The following ERICH1 variants were observed in gnomAD, a reference collection of about 807,000 sequenced individuals.
ERICH1 encodes glutamate rich 1, also known as glutamate-rich protein 1.
Under a neutral mutation model 39.6 loss-of-function variants are expected in ERICH1, and 56 were observed. The ratio of observed to expected loss-of-function variants is 1.41; its 90% confidence interval spans 1.14 to 1.77. ERICH1 has a LOEUF of 1.77. Ranked by LOEUF, ERICH1 falls within the 40% of genes most tolerant of loss-of-function variation. ERICH1 has a pLI of 0.00. For synonymous variants in ERICH1, 313 were observed against 223.6 expected (o/e 1.40, Z -3.57); for missense variants, 826 against 575.4 (o/e 1.44, Z -4.45).
At chr8:628,899 G>A (rs369470008) in intron 3 of ERICH1, among the ~76,000 whole-genome samples, 11 of 152,174 alleles carry the variant, frequency 7.2e-5, no homozygotes, top group African/African-American at 2.4e-4. Context: ...TTCCGCTCAC[G>A]AACCTCGGGG....
intron 3 of ERICH1, among the ~76,000 whole-genome samples, chr8:617,763 C>G (rs924195218): frequency 2.0e-5 from 3 of 149,572 alleles, no homozygotes; most frequent in Non-Finnish European, 4.4e-5. Context: ...CCTCACTGTC[C>G]TCTGCGTGAT....
intron 2 of ERICH1, among the ~76,000 whole-genome samples, chr8:708,493 G>A (rs1207730613): frequency 6.6e-6 from 1 of 152,058 alleles, no homozygotes; most frequent in Non-Finnish European, 1.5e-5. Flanking sequence ...TCTGACCCAT[G>A]CTACAACATG....
At chr8:641,146 T>A (rs1387568938) in intron 3 of ERICH1, 4 of 152,196 alleles carry the variant, frequency 2.6e-5, no homozygotes, top group African/African-American at 9.7e-5. Context: ...ACTTGGCGTT[T>A]AATCTATAAT....
intron 3 of ERICH1, among the ~76,000 whole-genome samples, chr8:635,933 G>A (rs1236062541): frequency 6.6e-6 from 1 of 152,228 alleles, no homozygotes. Flanking sequence ...CGGCAGGTGC[G>A]GTGATTCCTC....
At chr8:642,172 T>A (rs994887623) in intron 3 of ERICH1, among the ~76,000 whole-genome samples, 4 of 152,072 alleles carry the variant, frequency 2.6e-5, no homozygotes, top group African/African-American at 9.7e-5. Context: ...TGGCCCACCA[T>A]CCCAGCACTT....
At chr8:620,603 C>A (rs1002921469) in intron 3 of ERICH1, among the ~76,000 whole-genome samples, 1 of 152,066 alleles carries the variant, frequency 6.6e-6, no homozygotes, top group Non-Finnish European at 1.5e-5. Flanking sequence ...AGTTAAAGAA[C>A]AGAAAAACAT....
rs1427089442 is a variant in ERICH1 at position 664,422 on chromosome 8, T to C, written c.*181A>G. The C allele has an allele frequency of 8.0e-7, 1 of 1,250,254 alleles. No individual in the cohort carries two copies. The highest frequency in any genetic ancestry group is 1.0e-6 in the Non-Finnish European group (1 of 996,764). The allele number at this position is 1,250,254 out of a possible 1,614,324, so 77.4% of individuals were successfully genotyped here. On this transcript the variant is annotated 3_prime_UTR_variant, in exon 6 of 6. Coordinates refer to ENST00000262109, the MANE Select transcript of ERICH1 (RefSeq NM_207332.3). ...TGCAAATAAGTGAAAAATTTCCATT[T>C]TACCCCAATTTCTCATCTGAAGCCT...
At chr8:681,917 C>T (rs531149619) in intron 3 of ERICH1, among the ~76,000 whole-genome samples, 1 of 152,188 alleles carries the variant, frequency 6.6e-6, no homozygotes, top group African/African-American at 2.4e-5. Flanking sequence ...GCTCCTCACC[C>T]CACCACGCCT....
intron 3 of ERICH1, among the ~76,000 whole-genome samples, chr8:692,256 C>T (rs572171600): frequency 6.6e-6 from 1 of 152,296 alleles, no homozygotes; most frequent in African/African-American, 2.4e-5. Flanking sequence ...TTTCAATCTC[C>T]TCCATATGAA....
intron 3 of ERICH1, among the ~76,000 whole-genome samples, chr8:624,663 A>T (rs928701186): frequency 4.6e-5 from 7 of 152,008 alleles, no homozygotes; most frequent in Non-Finnish European, 4.4e-5. Flanking sequence ...GCATGGCTGG[A>T]GCAGGAGGAA....
At chr8:657,615 T>C (rs1456328093) in intron 3 of ERICH1, among the ~76,000 whole-genome samples, 3 of 150,436 alleles carry the variant, frequency 2.0e-5, no homozygotes, top group Admixed American at 1.3e-4. Context: ...TGTGGGGAAA[T>C]GCATCATTGG....
At chr8:699,982 CGCGCACAGACCCTCACAG>C (rs1811495251) in intron 2 of ERICH1, among the ~76,000 whole-genome samples, 6 of 118,210 alleles carry the variant, frequency 5.1e-5, no homozygotes, top group African/African-American at 1.0e-4. Flanking sequence ...GACCCGCACA[CGCGCACAGACCCTCACAG>C]GCGCACAGAC....
intron 3 of ERICH1, among the ~76,000 whole-genome samples, chr8:633,687 A>G (rs1798195753): frequency 6.6e-6 from 1 of 152,206 alleles, no homozygotes; most frequent in Non-Finnish European, 1.5e-5. Context: ...AAGGTGGTGT[A>G]TGGACCAAGG....
chr8:616,916 GAGACAGAAAGAGAC>G (rs1796949655), intron 3 of ERICH1, among the ~76,000 whole-genome samples: 1 of 50,832 alleles, frequency 2.0e-5, no homozygotes, highest in Non-Finnish European at 3.1e-5. Flanking sequence ...GAGAGAGAGA[GAGACAGAAAGAGAC>G]AGAGAGAGAG....
chr8:712,215 G>T (rs1415171288), intron 2 of ERICH1, among the ~76,000 whole-genome samples: 1 of 152,116 alleles, frequency 6.6e-6, no homozygotes, highest in East Asian at 1.9e-4. Flanking sequence ...GGATTGTATT[G>T]AATGTGTATA....
intron 3 of ERICH1, among the ~76,000 whole-genome samples, chr8:636,659 C>G (rs567815344): frequency 7.2e-5 from 11 of 152,366 alleles, no homozygotes; most frequent in Non-Finnish European, 1.2e-4. Context: ...AACAAAAGCG[C>G]AGTCCAAATA....
At chr8:710,327 T>C (rs976387327) in intron 2 of ERICH1, among the ~76,000 whole-genome samples, 1 of 151,984 alleles carries the variant, frequency 6.6e-6, no homozygotes, top group Non-Finnish European at 1.5e-5. Flanking sequence ...GCAAGTCCTC[T>C]GGGCTCCACC....
At chr8:717,535 G>T in intron 1 of ERICH1, among the ~76,000 whole-genome samples, 1 of 152,194 alleles carries the variant, frequency 6.6e-6, no homozygotes, top group Admixed American at 6.5e-5. Flanking sequence ...AAATGTCAAA[G>T]AAGAAAATGT....
At chr8:621,707 G>C (rs570714842) in intron 3 of ERICH1, among the ~76,000 whole-genome samples, 2 of 151,952 alleles carry the variant, frequency 1.3e-5, no homozygotes. Context: ...GAAAGACTAC[G>C]AAAGAAAGAG....
Sources: gnomAD v4.1 joint callset for allele counts (sites outside exome capture counted in the v4.1 genomes callset) on GRCh38, gnomAD v4.1.1 for gene constraint, MANE v1.5 for transcripts, NCBI Gene and HGNC (gene_info 2026-07-23, HGNC 2026-07-21) for gene names.